Variants in TMEM178B observed in about 807,000 individuals in gnomAD.
TMEM178B encodes transmembrane protein 178B.
TMEM178B carries 5 observed loss-of-function variants against 31.0 expected under a neutral mutation model. The observed-to-expected ratio is 0.16, with a 90% CI of 0.08 to 0.34. The LOEUF (loss-of-function observed/expected upper bound fraction) is 0.34, where lower values mean the gene tolerates loss of function less well. Among genes scored for constraint, TMEM178B ranks in the 10% least tolerant of loss-of-function variants. The pLI, the probability that TMEM178B is intolerant of heterozygous loss-of-function variation, is 1.00. For missense variants in TMEM178B, 275 were observed against 400.3 expected, an observed-to-expected ratio of 0.69 and a Z score of 2.67; for synonymous variants, 164 against 164.0, an observed-to-expected ratio of 1.00 and a Z score of 0.00.
chr7:141,368,817 C>T (rs573438305), intron 2 of TMEM178B, among the ~76,000 whole-genome samples: 3 of 152,186 alleles, frequency 2.0e-5, no homozygotes, highest in Non-Finnish European at 4.4e-5. Flanking sequence ...AAAACATTCC[C>T]GGATCCCCTC....
intron 2 of TMEM178B, among the ~76,000 whole-genome samples, chr7:141,247,143 C>T (rs1797746554): frequency 6.6e-6 from 1 of 151,344 alleles, no homozygotes; most frequent in Non-Finnish European, 1.5e-5. Flanking sequence ...AGAGAGAGAA[C>T]TTTGTGGAAA....
At chr7:141,404,980 T>C (rs1228109256) in intron 2 of TMEM178B, among the ~76,000 whole-genome samples, 1 of 152,208 alleles carries the variant, frequency 6.6e-6, no homozygotes, top group African/African-American at 2.4e-5. Context: ...TTGCAGTATG[T>C]GGGCACACGG....
chr7:141,455,930 T>C (rs561196640), intron 3 of TMEM178B, among the ~76,000 whole-genome samples: 1 of 152,362 alleles, frequency 6.6e-6, no homozygotes, highest in East Asian at 1.9e-4. Flanking sequence ...CTAATTAACA[T>C]GGCATTGGCT....
intron 1 of TMEM178B, among the ~76,000 whole-genome samples, chr7:141,158,355 C>CA (rs1271410335): frequency 6.6e-6 from 1 of 152,214 alleles, no homozygotes; most frequent in African/African-American, 2.4e-5. Flanking sequence ...CTCAGCCTCC[C>CA]AAAATGCTGG....
chr7:141,447,193 T>C (rs905243774), intron 3 of TMEM178B, among the ~76,000 whole-genome samples: 2 of 151,970 alleles, frequency 1.3e-5, no homozygotes, highest in Admixed American at 1.3e-4. Flanking sequence ...AGTGCGATGT[T>C]AGGTGATAAG....
intron 1 of TMEM178B, among the ~76,000 whole-genome samples, chr7:141,149,896 G>A (rs941925199): frequency 2.0e-5 from 3 of 152,186 alleles, no homozygotes; most frequent in African/African-American, 4.8e-5. Flanking sequence ...TGCCTGGTTT[G>A]TGGTAGTTTG....
intron 1 of TMEM178B, among the ~76,000 whole-genome samples, chr7:141,125,365 C>T (rs1795474020): frequency 1.3e-5 from 2 of 152,056 alleles, no homozygotes; most frequent in Non-Finnish European, 2.9e-5. Flanking sequence ...TGAAACAACT[C>T]AGATTTCTCC....
In TMEM178B at chr7:141,172,631, C is replaced by A. The variant is rs1022020238; in HGVS notation, c.383-39960C>A. On this transcript the variant is annotated intron_variant, in intron 1 of 3. Coordinates refer to ENST00000565468, the MANE Select transcript of TMEM178B (RefSeq NM_001195278.2). Reference sequence around the variant, plus strand: ...AGGACTCTGTTACCTCCCAGCAGCACAGGATGCCACAGAGGAGGACCTGAG... The same window carrying A: ...AGGACTCTGTTACCTCCCAGCAGCAAAGGATGCCACAGAGGAGGACCTGAG... 2.6e-4 allele frequency among the ~76,000 whole-genome samples: 40 copies of A among 152,136 alleles called. 4 individuals carry two copies.
At chr7:141,201,381 T>C (rs1405465786) in intron 1 of TMEM178B, among the ~76,000 whole-genome samples, 1 of 151,960 alleles carries the variant, frequency 6.6e-6, no homozygotes, top group East Asian at 1.9e-4. Flanking sequence ...AGTGTGACTG[T>C]GTGGTTGGGG....
chr7:141,118,169 C>G (rs1274930058), intron 1 of TMEM178B, among the ~76,000 whole-genome samples: 1 of 152,132 alleles, frequency 6.6e-6, no homozygotes. Flanking sequence ...ATTCCTGTGC[C>G]CACAGTGGCC....
At chr7:141,410,043 C>A (rs1800953762) in intron 2 of TMEM178B, among the ~76,000 whole-genome samples, 2 of 152,232 alleles carry the variant, frequency 1.3e-5, no homozygotes, top group Non-Finnish European at 2.9e-5. Flanking sequence ...GTCTCCTCCA[C>A]CTCCACCTGC....
Position 141,456,571 on chromosome 7 carries a change from C to T in TMEM178B, c.635-13965C>T, listed in dbSNP as rs59547621. On this transcript the variant is annotated intron_variant, in intron 3 of 3. Transcript: ENST00000565468. ...TGGGGGAGTGATGCGGCTTTCTTTG[C>T]AAAAGCCTTGCATGGTACCTAGAAG... Among the ~76,000 whole-genome samples the T allele has an allele frequency of 5.8e-4, 89 of 152,294 alleles. 1 individual carries two copies. The East Asian group carries it at 0.016, about 28-fold the overall frequency.
chr7:141,277,937 C>T (rs866932136), intron 2 of TMEM178B, among the ~76,000 whole-genome samples: 1 of 152,132 alleles, frequency 6.6e-6, no homozygotes, highest in Non-Finnish European at 1.5e-5. Flanking sequence ...ATCTCATGGA[C>T]CTTATAATCT....
chr7:141,289,074 A>G (rs192555041), intron 2 of TMEM178B, among the ~76,000 whole-genome samples: 154 of 152,284 alleles, frequency 1.0e-3, no homozygotes, highest in Admixed American at 7.7e-3. Flanking sequence ...CCCTGCTTGC[A>G]TGTATCATTC....
intron 2 of TMEM178B, among the ~76,000 whole-genome samples, chr7:141,243,163 C>A (rs1224008527): frequency 6.6e-6 from 1 of 151,980 alleles, no homozygotes; most frequent in Non-Finnish European, 1.5e-5. Flanking sequence ...GCTTGATTGC[C>A]TTTTTTTCGG....
At chr7:141,209,259 T>G (rs1199010845) in intron 1 of TMEM178B, among the ~76,000 whole-genome samples, 1 of 152,224 alleles carries the variant, frequency 6.6e-6, no homozygotes, top group Admixed American at 6.5e-5. Context: ...CGGGGCTACA[T>G]TTACCAAGTA....
chr7:141,399,639 G>A (rs1301802601), intron 2 of TMEM178B, among the ~76,000 whole-genome samples: 1 of 152,160 alleles, frequency 6.6e-6, no homozygotes, highest in African/African-American at 2.4e-5. Flanking sequence ...TTTCACACCT[G>A]TTTTCTAAGC....
At chr7:141,092,657 T>G (rs947117825) in intron 1 of TMEM178B, among the ~76,000 whole-genome samples, 1 of 152,200 alleles carries the variant, frequency 6.6e-6, no homozygotes, top group Non-Finnish European at 1.5e-5. Flanking sequence ...TTTGCCTATA[T>G]GGAGCTCATA....
At chr7:141,169,292 G>A (rs2129182575) in intron 1 of TMEM178B, among the ~76,000 whole-genome samples, 1 of 152,272 alleles carries the variant, frequency 6.6e-6, no homozygotes, top group African/African-American at 2.4e-5. Context: ...GAGAACATGT[G>A]GTATTTGGTT....
Sources: gnomAD v4.1 joint callset for allele counts (sites outside exome capture counted in the v4.1 genomes callset) on GRCh38, gnomAD v4.1.1 for gene constraint, MANE v1.5 for transcripts, NCBI Gene and HGNC (gene_info 2026-07-23, HGNC 2026-07-21) for gene names.